The following CDHR2 variants were observed in gnomAD, a reference collection of about 807,000 sequenced individuals.
CDHR2 encodes cadherin related family member 2, also known as cadherin-related family member 2.
CDHR2 carries 104 observed loss-of-function variants against 138.6 expected under a neutral mutation model. The observed-to-expected ratio is 0.75, with a 90% CI of 0.64 to 0.88. The LOEUF is 0.88. Ranked by LOEUF, CDHR2 falls within the 40% of genes least tolerant of loss-of-function variation. CDHR2 has a pLI of 0.00. For missense variants in CDHR2, 1,624 were observed against 1,727.6 expected (o/e 0.94, Z 1.06); for synonymous variants, 755 against 742.8 (o/e 1.02, Z -0.27).
chr5:176,553,692 G>A lies in CDHR2; in HGVS notation c.-16+4278G>A, dbSNP rs1354506568. ...CCTGCAGTCTAGCAGTACCGCTAAT[G>A]CCCAGCTCACCTGCGTCTCCACCGC... On this transcript the variant is annotated intron_variant, in intron 1 of 31. Transcript: ENST00000261944. The surrounding 1 kb of genome is among the most constrained non-coding windows in gnomAD (Gnocchi z 4.3). Among the ~76,000 whole-genome samples, 1 of 152,002 alleles carries A rather than the reference G, an allele frequency of 6.6e-6. No homozygotes were observed. Among genetic ancestry groups the A allele is most frequent in the Non-Finnish European group, 1.5e-5 (1 of 67,972 alleles).
intron 27 of CDHR2, 37 bp downstream of exon 27, chr5:176,590,522 C>G (rs777665795): frequency 1.2e-6 from 2 of 1,614,000 alleles, no homozygotes; most frequent in Non-Finnish European, 1.7e-6. Context: ...GGTGGGGCTG[C>G]TGAAGACGAG....
At chr5:176,575,679 C>A (rs756857162) in intron 10 of CDHR2, 45 bp from the exon 11 acceptor site, 1 of 1,596,568 alleles carries the variant, frequency 6.3e-7, no homozygotes, top group Non-Finnish European at 8.6e-7. Flanking sequence ...TCCGTCAGAG[C>A]CACTGGAGCA....
rs116622521 is a variant in CDHR2 at position 176,576,490 on chromosome 5, G to A, written c.1194+305G>A. 8.6e-4 allele frequency among the ~76,000 whole-genome samples: 131 copies of A among 152,124 alleles called. No individual in the cohort carries two copies. Among genetic ancestry groups the A allele is most frequent in the African/African-American group, 2.9e-3 (119 of 41,500 alleles). On this transcript the variant is annotated intron_variant, in intron 12 of 31. Transcript: ENST00000261944. This position sits in a 1 kb window ranked among gnomAD's most constrained non-coding sequence, Gnocchi z 4.5. ...TGGCTGGCGAGGTCTCCTGGCATTGGGCGGCCATGATTTGGGTAGTCCTGG... is the reference window on the plus strand; with the variant it reads ...TGGCTGGCGAGGTCTCCTGGCATTGAGCGGCCATGATTTGGGTAGTCCTGG...
At chr5:176,545,011 A>C (rs1238367878), upstream of CDHR2, among the ~76,000 whole-genome samples, 1 of 152,208 alleles carries the variant, frequency 6.6e-6, no homozygotes, top group Non-Finnish European at 1.5e-5. Context: ...AGACTTGCCT[A>C]ACTTCAGGGC....
Position 176,576,272 on chromosome 5 carries a change from G to A in CDHR2, c.1194+87G>A. 1 of 1,085,098 alleles carries A rather than the reference G, an allele frequency of 9.2e-7. No homozygotes were observed. Among genetic ancestry groups the A allele is most frequent in the Non-Finnish European group, 1.3e-6 (1 of 745,716 alleles). 67.2% of individuals were successfully genotyped at this position (1,085,098 alleles called of 1,614,324 possible). On this transcript the variant is annotated intron_variant, in intron 12 of 31. Coordinates refer to ENST00000261944, the MANE Select transcript of CDHR2 (RefSeq NM_017675.6). This position sits in a 1 kb window ranked among gnomAD's most constrained non-coding sequence, Gnocchi z 4.5. ...CGAGTGACGGTGTCATGTGGTGCTG[G>A]GTGGCGGTGCTGGTGGTGCAGGGTG... is the stretch of plus-strand genomic sequence containing the variant.
Position 176,565,408 on chromosome 5 carries a change from G to A in CDHR2, c.52+4G>A. 6.2e-7 allele frequency: 1 copy of A among 1,613,896 alleles called. No homozygotes were observed. The highest frequency in any genetic ancestry group is 8.5e-7 in the Non-Finnish European group (1 of 1,179,816). On this transcript the variant is annotated splice_donor_region_variant and intron_variant, in intron 2 of 31. Coordinates refer to ENST00000261944, the MANE Select transcript of CDHR2 (RefSeq NM_017675.6). ...CTTCCTGCCCTCGTGGTGTCTGGTA[G>A]GTGTCTCCCCTCCCCAGCCACGCAG...
At chr5:176,586,541 C>T in intron 20 of CDHR2, 1 of 532,132 alleles carries the variant, frequency 1.9e-6, no homozygotes, top group Non-Finnish European at 3.3e-6. Context: ...AATGTCTGGC[C>T]CTGGGCCAGG....
intron 21 of CDHR2, among the ~76,000 whole-genome samples, chr5:176,587,985 T>C (rs1322474875): frequency 6.6e-6 from 1 of 152,214 alleles, no homozygotes; most frequent in Non-Finnish European, 1.5e-5. Context: ...ACCTAAGCAC[T>C]GGTGTTGGCC....
upstream of CDHR2, among the ~76,000 whole-genome samples, chr5:176,549,126 T>G (rs1757648989): frequency 6.6e-6 from 1 of 152,048 alleles, no homozygotes; most frequent in Non-Finnish European, 1.5e-5. Flanking sequence ...GGGCTCAGGG[T>G]CGGCCAGGCC....
At position 176,553,366 on chromosome 5, in the gene CDHR2, G is replaced by A. The variant is rs962435156; in HGVS notation, c.-16+3952G>A. On this transcript the variant is annotated intron_variant, in intron 1 of 31. Transcript: ENST00000261944. This position sits in a 1 kb window ranked among gnomAD's most constrained non-coding sequence, Gnocchi z 4.3. ...GTAATGGGGGCAAAGTGCTAGCCTCGGTACACGGCCCTTCCTTGCCAGTTC... is the reference window on the plus strand; with the variant it reads ...GTAATGGGGGCAAAGTGCTAGCCTCAGTACACGGCCCTTCCTTGCCAGTTC... Among the ~76,000 whole-genome samples, 1 of 152,140 alleles carries A rather than the reference G, an allele frequency of 6.6e-6. No individual in the cohort carries two copies. The highest frequency in any genetic ancestry group is 2.4e-5 in the African/African-American group (1 of 41,416).
intron 30 of CDHR2, among the ~76,000 whole-genome samples, 192 bp from the exon 31 acceptor site, chr5:176,592,531 T>TG (rs1335644819): frequency 2.4e-4 from 35 of 148,368 alleles, no homozygotes; most frequent in Admixed American, 1.6e-3. Context: ...GTGGTGGTGG[T>TG]GTTGGTGTTG....
At chr5:176,572,710 A>G (rs73345142) in intron 6 of CDHR2, among the ~76,000 whole-genome samples, 1,534 of 152,304 alleles carry the variant, frequency 0.01, 24 homozygotes, top group African/African-American at 0.035. Context: ...TTCCGTTGCC[A>G]TGTGCCTGCA....
At chr5:176,593,575 C>G (rs1438720494) in intron 31 of CDHR2, among the ~76,000 whole-genome samples, 1 of 152,178 alleles carries the variant, frequency 6.6e-6, no homozygotes, top group East Asian at 1.9e-4. Context: ...CTTTGAAAGC[C>G]ACCTCTGGAG....
chr5:176,578,168 GAT>G, intron 15 of CDHR2, 73 bp downstream of exon 15: 1 of 1,451,324 alleles, frequency 6.9e-7, no homozygotes, highest in South Asian at 1.2e-5. Flanking sequence ...TCTCTGCAGA[GAT>G]AGAATAGCTG....
At chr5:176,562,529 C>G (rs535875316) in intron 1 of CDHR2, among the ~76,000 whole-genome samples, 2 of 152,250 alleles carry the variant, frequency 1.3e-5, no homozygotes, top group East Asian at 3.9e-4. Context: ...CCTCTACCCC[C>G]ACTCCTCCCC....
At chr5:176,546,442 T>C (rs371673210), upstream of CDHR2, among the ~76,000 whole-genome samples, 1 of 152,108 alleles carries the variant, frequency 6.6e-6, no homozygotes, top group South Asian at 2.1e-4. Context: ...TTGGGCATTG[T>C]GCTCAGGACT....
At position 176,543,918 on chromosome 5, in the gene CDHR2, C is replaced by T. The variant is rs1344557376; in HGVS notation, c.-16+1149C>T. Among the ~76,000 whole-genome samples the T allele has an allele frequency of 2.0e-5, 3 of 152,380 alleles. No individual in the cohort carries two copies. In the East Asian group the frequency reaches 5.8e-4, roughly 29 times the overall value. Reference sequence around the variant, plus strand: ...TTCCCCGCAACCCCTGTGTCCCCATCGCTAGAGCCAACCTGGACCAGGGCA... The same window carrying T: ...TTCCCCGCAACCCCTGTGTCCCCATTGCTAGAGCCAACCTGGACCAGGGCA... On this transcript the variant is annotated intron_variant, in intron 1 of 31. Transcript: ENST00000510636. The surrounding 1 kb of genome is among the most constrained non-coding windows in gnomAD (Gnocchi z 4.0).
intron 1 of CDHR2, among the ~76,000 whole-genome samples, chr5:176,552,700 T>C (rs1314955403): frequency 4.6e-5 from 7 of 152,100 alleles, no homozygotes; most frequent in Non-Finnish European, 7.4e-5. Flanking sequence ...ATCATGATCA[T>C]GAGGAGGCAG....
At chr5:176,552,575 C>T (rs898947721) in intron 1 of CDHR2, among the ~76,000 whole-genome samples, 5 of 152,194 alleles carry the variant, frequency 3.3e-5, no homozygotes, top group African/African-American at 9.7e-5. Flanking sequence ...ATGGGGAAGG[C>T]TTAGCATTGG....
Sources: gnomAD v4.1 joint callset for allele counts (sites outside exome capture counted in the v4.1 genomes callset) on GRCh38, gnomAD v4.1.1 for gene constraint, Gnocchi (gnomAD v3.1) non-coding constraint, MANE v1.5 for transcripts, NCBI Gene and HGNC (gene_info 2026-07-23, HGNC 2026-07-21) for gene names.